LHFPL6: variants seen among roughly 807,000 people sequenced by gnomAD.
The protein encoded by LHFPL6 is LHFPL tetraspan subfamily member 6 protein.
A neutral mutation model predicts 20.6 loss-of-function variants in LHFPL6; 9 were observed. The ratio of observed to expected loss-of-function variants is 0.44; its 90% CI spans 0.26 to 0.76. The LOEUF (loss-of-function observed/expected upper bound fraction) is 0.76. Among genes scored for constraint, LHFPL6 ranks in the 30% least tolerant of loss-of-function variants. The pLI, the probability that LHFPL6 is intolerant of heterozygous loss-of-function variation, is 0.20. For synonymous variants in LHFPL6, 105 were observed against 98.7 expected, an observed-to-expected ratio of 1.06 and a Z score of -0.38; for missense variants, 218 against 253.5, an observed-to-expected ratio of 0.86 and a Z score of 0.95.
intron 2 of LHFPL6, among the ~76,000 whole-genome samples, chr13:39,437,627 G>A (rs778124371): frequency 6.6e-6 from 1 of 152,184 alleles, no homozygotes; most frequent in African/African-American, 2.4e-5. Flanking sequence ...AAATAGGCCA[G>A]GCGCGGTGGC....
chr13:39,536,310 C>T (rs1423780866), intron 2 of LHFPL6, among the ~76,000 whole-genome samples: 3 of 152,266 alleles, frequency 2.0e-5, no homozygotes, highest in Middle Eastern at 3.4e-3. Context: ...ATACCACTTG[C>T]TTTTGATGGC....
chr13:39,345,395 C>T (rs1023663373), intron 3 of LHFPL6, among the ~76,000 whole-genome samples: 2 of 151,460 alleles, frequency 1.3e-5, no homozygotes, highest in Non-Finnish European at 2.9e-5. Flanking sequence ...CACCTGTAAT[C>T]CCAACTACTC....
chr13:39,370,980 C>T (rs1329861414), intron 3 of LHFPL6, among the ~76,000 whole-genome samples: 3 of 152,138 alleles, frequency 2.0e-5, no homozygotes, highest in African/African-American at 4.8e-5. Flanking sequence ...AGAGGCAAGA[C>T]GGCATGAGTC....
chr13:39,419,840 G>C (rs1400126780), intron 2 of LHFPL6, among the ~76,000 whole-genome samples: 1 of 152,092 alleles, frequency 6.6e-6, no homozygotes, highest in East Asian at 1.9e-4. Context: ...ACCAATATAG[G>C]TTATGATTGA....
At chr13:39,526,600 T>C (rs1593349665) in intron 2 of LHFPL6, among the ~76,000 whole-genome samples, 1 of 152,246 alleles carries the variant, frequency 6.6e-6, no homozygotes, top group Non-Finnish European at 1.5e-5. Flanking sequence ...TACTCTGCAT[T>C]CGGCCAGCCA....
intron 2 of LHFPL6, among the ~76,000 whole-genome samples, chr13:39,535,940 T>C (rs1456990689): frequency 6.6e-6 from 1 of 152,184 alleles, no homozygotes; most frequent in Admixed American, 6.5e-5. Flanking sequence ...TCAGAATAAA[T>C]GTAATCAACC....
At chr13:39,562,447 C>CATAT (rs1185334406) in intron 2 of LHFPL6, among the ~76,000 whole-genome samples, 27 of 68,540 alleles carry the variant, frequency 3.9e-4, no homozygotes, top group East Asian at 1.4e-3. Flanking sequence ...TACATATATA[C>CATAT]ACATATATAC....
intron 2 of LHFPL6, among the ~76,000 whole-genome samples, chr13:39,583,943 T>A (rs1410654948): frequency 1.3e-5 from 2 of 152,082 alleles, no homozygotes; most frequent in Non-Finnish European, 2.9e-5. Context: ...TGCTGTTCCC[T>A]CTCTGAGAGG....
At chr13:39,553,688 G>A (rs1053964189) in intron 2 of LHFPL6, among the ~76,000 whole-genome samples, 4 of 152,120 alleles carry the variant, frequency 2.6e-5, no homozygotes, top group Admixed American at 2.6e-4. Context: ...CTACAGCCTG[G>A]GTGACAGAGC....
intron 3 of LHFPL6, among the ~76,000 whole-genome samples, chr13:39,358,551 A>T (rs139314888): frequency 6.6e-6 from 1 of 151,926 alleles, no homozygotes; most frequent in South Asian, 2.1e-4. Context: ...GGACCTTATT[A>T]AACTAAAGAG....
In LHFPL6 at chr13:39,601,092, A is replaced by T. The variant is rs1328372262; in HGVS notation, c.125T>A (p.Val42Glu). Residue 42 changes from valine to glutamate, a missense_variant, in exon 2 of 4, where the codon GTG becomes GAG. By Grantham distance (121) the Val-to-Glu change is moderately radical (BLOSUM62 -2). Transcript: ENST00000379589. ...GCACCTCCGGAAGGTACCGAAGGAC[A>T]CAGGCTTGCCCAGCTGTGATCCCCA... Reference protein sequence around the residue: ...WLWGSQLGKPVSFGTFRRCSY... With the variant: ...WLWGSQLGKPESFGTFRRCSY... 1 of 1,614,244 alleles carries T rather than the reference A, an allele frequency of 6.2e-7. No homozygotes were observed. The highest frequency in any genetic ancestry group is 1.7e-5 in the Admixed American group (1 of 60,028).
At chr13:39,588,025 TAA>T (rs1219026009) in intron 2 of LHFPL6, among the ~76,000 whole-genome samples, 1 of 152,082 alleles carries the variant, frequency 6.6e-6, no homozygotes, top group South Asian at 2.1e-4. Context: ...TGCCAGATGC[TAA>T]GTCTTCCAGG....
intron 2 of LHFPL6, among the ~76,000 whole-genome samples, chr13:39,409,458 A>G (rs1205494044): frequency 3.3e-5 from 5 of 152,020 alleles, no homozygotes; most frequent in South Asian, 2.1e-4. Context: ...CATCTCAAAA[A>G]CAAAAAAAAC....
intron 2 of LHFPL6, among the ~76,000 whole-genome samples, chr13:39,517,030 T>G (rs1480652604): frequency 6.6e-6 from 1 of 152,224 alleles, no homozygotes. Context: ...ACAAAAATTC[T>G]GATCTCCCCA....
intron 2 of LHFPL6, among the ~76,000 whole-genome samples, chr13:39,541,547 C>T (rs1453439081): frequency 1.3e-5 from 2 of 152,112 alleles, no homozygotes; most frequent in African/African-American, 4.8e-5. Flanking sequence ...TCTTATTATC[C>T]TTCAGGACCC....
chr13:39,363,934 G>A (rs1361123991), intron 3 of LHFPL6, among the ~76,000 whole-genome samples: 3 of 152,190 alleles, frequency 2.0e-5, no homozygotes, highest in African/African-American at 7.2e-5. Flanking sequence ...GATACACTCT[G>A]CTAATGCATT....
intron 2 of LHFPL6, among the ~76,000 whole-genome samples, chr13:39,538,073 C>G (rs1870681557): frequency 6.6e-6 from 1 of 151,310 alleles, no homozygotes; most frequent in Admixed American, 6.6e-5. Context: ...TCACTGCAAC[C>G]TCCGCCTCCC....
intron 2 of LHFPL6, among the ~76,000 whole-genome samples, chr13:39,503,404 A>AT (rs1007041933): frequency 6.6e-5 from 10 of 152,164 alleles, no homozygotes; most frequent in African/African-American, 9.7e-5. Flanking sequence ...TGACCATTTT[A>AT]TTAATATCTA....
At chr13:39,574,100 G>A (rs1279952239) in intron 2 of LHFPL6, among the ~76,000 whole-genome samples, 1 of 152,190 alleles carries the variant, frequency 6.6e-6, no homozygotes, top group East Asian at 1.9e-4. Flanking sequence ...AGCTCAGCCA[G>A]TAGCCTGCTG....
Sources: gnomAD v4.1 joint callset for allele counts (sites outside exome capture counted in the v4.1 genomes callset) on GRCh38, gnomAD v4.1.1 for gene constraint, MANE v1.5 for transcripts, NCBI Gene and HGNC (gene_info 2026-07-23, HGNC 2026-07-21) for gene names.